PPP2R5D: variants seen among roughly 807,000 people sequenced by gnomAD.
PPP2R5D encodes protein phosphatase 2 regulatory subunit B'delta.
In PPP2R5D, 12 loss-of-function variants were observed where a neutral mutation model predicts 79.1. The observed-to-expected ratio is 0.15, with a 90% CI of 0.10 to 0.25. The LOEUF (loss-of-function observed/expected upper bound fraction) is 0.25, where lower values mean the gene tolerates loss of function less well. Among genes scored for constraint, PPP2R5D ranks in the 10% least tolerant of loss-of-function variants. PPP2R5D has a pLI of 1.00. For missense variants in PPP2R5D, 419 were observed against 760.2 expected, an observed-to-expected ratio of 0.55 and a Z score of 5.28; for synonymous variants, 277 against 286.6, an observed-to-expected ratio of 0.97 and a Z score of 0.34.
chr6:43,011,141 A>T lies in PPP2R5D; in HGVS notation c.1672-8A>T. 6.2e-7 allele frequency: 1 copy of T among 1,614,154 alleles called. No homozygotes were observed. Among genetic ancestry groups the T allele is most frequent in the Non-Finnish European group, 8.5e-7 (1 of 1,179,988 alleles). On this transcript the variant is annotated splice_polypyrimidine_tract_variant and splice_region_variant and intron_variant, in intron 15 of 15. Coordinates refer to ENST00000485511, the MANE Select transcript of PPP2R5D (RefSeq NM_006245.4). The stretch of plus-strand genomic sequence containing the variant: ...ACCATTCCTCACCTTGTCCCTATTC[A>T]CACACAGATGCTAAAAGACATCAAG...
At position 43,007,218 on chromosome 6, in the gene PPP2R5D, C is replaced by T. The variant is rs779372850; in HGVS notation, c.545C>T (p.Thr182Met). ...CAGTTTTCAGTGAACCTCTTCCGGA[C>T]GCTGCCACCTTCATCGAATCCCACA... ...VTMFSVNLFR[T>M]LPPSSNPTGA... The change falls in exon 5 of 16, where the codon ACG (threonine) becomes ATG (methionine). Residue 182 changes from threonine (T) to methionine (M), a missense_variant. This residue lies in a region of PPP2R5D where 196 missense variants were observed against 424.5 expected (regional missense o/e 0.46). Coordinates refer to ENST00000485511, the MANE Select transcript of PPP2R5D (RefSeq NM_006245.4). This position sits in a 1 kb window ranked among gnomAD's most constrained non-coding sequence, Gnocchi z 4.5. 6.8e-6 allele frequency: 11 copies of T among 1,614,004 alleles called. No individual in the cohort carries two copies. The highest frequency in any genetic ancestry group is 2.2e-5 in the East Asian group (1 of 44,890).
intron 2 of PPP2R5D, among the ~76,000 whole-genome samples, chr6:42,991,489 C>T (rs1771260985): frequency 1.3e-5 from 2 of 152,170 alleles, no homozygotes; most frequent in African/African-American, 4.8e-5. Context: ...TTTTGGCACT[C>T]AGTACCTGGT....
intron 2 of PPP2R5D, among the ~76,000 whole-genome samples, chr6:42,990,078 G>A (rs1771153442): frequency 6.6e-6 from 1 of 152,158 alleles, no homozygotes; most frequent in African/African-American, 2.4e-5. Flanking sequence ...GATTGGGAGG[G>A]GCTGGTGTCC....
Position 43,010,377 on chromosome 6 carries a change from G to T in PPP2R5D, c.1380-91G>T. The T allele has an allele frequency of 9.9e-7, 1 of 1,006,086 alleles. No individual in the cohort carries two copies. Among genetic ancestry groups the T allele is most frequent in the Admixed American group, 1.8e-5 (1 of 56,544 alleles). The allele number at this position is 1,006,086 out of a possible 1,614,324, so 62.3% of individuals were successfully genotyped here. A position where few individuals can be genotyped will look rare whatever the true frequency, so the allele number is the denominator to read the frequency against. ...GAAGTAGTAAATGACAAAGCTCTTA[G>T]CAGAGATACCCCTGTGAGAGAACAA... On this transcript the variant is annotated intron_variant, in intron 12 of 15. Coordinates refer to ENST00000485511, the MANE Select transcript of PPP2R5D (RefSeq NM_006245.4). The surrounding 1 kb of genome is among the most constrained non-coding windows in gnomAD (Gnocchi z 4.7).
At chr6:42,998,680 T>G (rs924270458) in intron 2 of PPP2R5D, among the ~76,000 whole-genome samples, 3 of 151,988 alleles carry the variant, frequency 2.0e-5, no homozygotes. Context: ...GGTGGATTGC[T>G]TGAGCTCCAG....
chr6:43,005,813 G>C (rs905778633), intron 2 of PPP2R5D, among the ~76,000 whole-genome samples: 38 of 152,048 alleles, frequency 2.5e-4, no homozygotes, highest in African/African-American at 8.2e-4. Context: ...GTAGAGATGG[G>C]GTTTCACCAT....
Position 43,006,344 on chromosome 6 carries a change from A to G in PPP2R5D, c.106-119A>G. 1 of 1,463,190 alleles carries G rather than the reference A, an allele frequency of 6.8e-7. No individual in the cohort carries two copies. The highest frequency in any genetic ancestry group is 9.0e-7 in the Non-Finnish European group (1 of 1,105,544). The allele number at this position is 1,463,190 out of a possible 1,614,324, so 90.6% of individuals were successfully genotyped here. A position where few individuals can be genotyped will look rare whatever the true frequency, so the allele number is the denominator to read the frequency against. ...ACCCTGGCCTTAGCTCCTTCGGGGC[A>G]GGAGACAGCTGCTCACTGCCCAGGC... On this transcript the variant is annotated intron_variant, in intron 2 of 15. Coordinates refer to ENST00000485511, the MANE Select transcript of PPP2R5D (RefSeq NM_006245.4). This position sits in a 1 kb window ranked among gnomAD's most constrained non-coding sequence, Gnocchi z 4.7.
At chr6:42,995,433 C>T (rs74323814) in intron 2 of PPP2R5D, among the ~76,000 whole-genome samples, 19,658 of 152,062 alleles carry the variant, frequency 0.13, 2,443 homozygotes, top group African/African-American at 0.33. Context: ...GTGCCCTGCC[C>T]AACTTCCTAT....
chr6:42,998,403 G>A (rs1361032512), intron 2 of PPP2R5D, among the ~76,000 whole-genome samples: 1 of 151,880 alleles, frequency 6.6e-6, no homozygotes, highest in African/African-American at 2.4e-5. Flanking sequence ...GGCCGTGTTC[G>A]GAATAGGCTG....
chr6:42,990,588 G>C (rs181602645), intron 2 of PPP2R5D, among the ~76,000 whole-genome samples: 3 of 151,822 alleles, frequency 2.0e-5, no homozygotes, highest in Non-Finnish European at 2.9e-5. Context: ...CTCATTTTAG[G>C]CCTCATTTAA....
rs556775151 is a variant in PPP2R5D at position 43,009,538 on chromosome 6, T to C, written c.1379+89T>C. Reference sequence around the variant, plus strand: ...GAACTAAAGAGCCAGGGGTCTCACCTAGTCACCCAGCAAGTGGGGCTGATG... The same window carrying C: ...GAACTAAAGAGCCAGGGGTCTCACCCAGTCACCCAGCAAGTGGGGCTGATG... On this transcript the variant is annotated intron_variant, in intron 12 of 15. Coordinates refer to ENST00000485511, the MANE Select transcript of PPP2R5D (RefSeq NM_006245.4). The surrounding 1 kb of genome is among the most constrained non-coding windows in gnomAD (Gnocchi z 5.6). The C allele has an allele frequency of 6.4e-7, 1 of 1,555,138 alleles. No individual in the cohort carries two copies. The highest frequency in any genetic ancestry group is 1.4e-5 in the African/African-American group (1 of 73,362).
Position 43,006,787 on chromosome 6 carries a change from T to C in PPP2R5D, c.322+108T>C. On this transcript the variant is annotated intron_variant, in intron 3 of 15. Transcript: ENST00000485511. The surrounding 1 kb of genome is among the most constrained non-coding windows in gnomAD (Gnocchi z 4.7). ...TTGCGGGGAAGGGAGTTCCAGAGAA[T>C]GCGGGAAGGGGGTGCCAGGGAGCAG... 1.3e-6 allele frequency: 2 copies of C among 1,571,720 alleles called. No individual in the cohort carries two copies. Among genetic ancestry groups the C allele is most frequent in the South Asian group, 2.3e-5 (2 of 86,398 alleles).
Position 42,992,306 on chromosome 6 carries a change from G to A in PPP2R5D, c.105+2618G>A, listed in dbSNP as rs545070623. Among the ~76,000 whole-genome samples, 16 of 152,134 alleles carry A rather than the reference G, an allele frequency of 1.1e-4. No individual in the cohort carries two copies. The South Asian group carries it at 2.7e-3, about 26-fold the overall frequency. ...GATCTCCTGACCTCGTGATCCACCC[G>A]CCTCGGCCTCCCAAAGTGCTGGGAT... is the stretch of plus-strand genomic sequence containing the variant. On this transcript the variant is annotated intron_variant, in intron 2 of 15. Coordinates refer to ENST00000485511, the MANE Select transcript of PPP2R5D (RefSeq NM_006245.4).
In PPP2R5D at chr6:43,006,727, A is replaced by G. The variant is rs772782516; in HGVS notation, c.322+48A>G. On this transcript the variant is annotated intron_variant, in intron 3 of 15. Coordinates refer to ENST00000485511, the MANE Select transcript of PPP2R5D (RefSeq NM_006245.4). The surrounding 1 kb of genome is among the most constrained non-coding windows in gnomAD (Gnocchi z 4.7). ...GGCTGTTTTACCAGTTCTAGTGGGC[A>G]TCGGGAGTTGGTGGAATGGAAGTTT... The G allele has an allele frequency of 8.1e-6, 13 of 1,596,462 alleles. No individual in the cohort carries two copies. The highest frequency in any genetic ancestry group is 2.7e-5 in the African/African-American group (2 of 74,524).
intron 1 of PPP2R5D, among the ~76,000 whole-genome samples, chr6:42,984,972 T>C (rs554146434): frequency 7.6e-6 from 1 of 131,662 alleles, no homozygotes; most frequent in Admixed American, 8.6e-5. Flanking sequence ...CAGGGTAACC[T>C]CCTTCTTCCA....
chr6:43,002,753 A>T (rs1046327325), intron 2 of PPP2R5D, among the ~76,000 whole-genome samples: 1 of 152,084 alleles, frequency 6.6e-6, no homozygotes, highest in Admixed American at 6.6e-5. Flanking sequence ...GCAATTAATA[A>T]CATTTCTGTC....
chr6:43,000,591 G>A (rs944030502), intron 2 of PPP2R5D, among the ~76,000 whole-genome samples: 4 of 152,112 alleles, frequency 2.6e-5, no homozygotes, highest in African/African-American at 7.2e-5. Context: ...CCCTTTCTGG[G>A]AAGAATGCCC....
At chr6:42,985,556 T>C (rs1770777217) in intron 1 of PPP2R5D, among the ~76,000 whole-genome samples, 1 of 152,064 alleles carries the variant, frequency 6.6e-6, no homozygotes, top group African/African-American at 2.4e-5. Flanking sequence ...CTAATCTGAG[T>C]AGGCTCCTCA....
chr6:42,988,995 A>G (rs1409406356), intron 1 of PPP2R5D, among the ~76,000 whole-genome samples: 2 of 152,200 alleles, frequency 1.3e-5, no homozygotes, highest in Non-Finnish European at 2.9e-5. Flanking sequence ...GTAACAGTTC[A>G]GGGTTTTACC....
Sources: gnomAD v4.1 joint callset for allele counts (sites outside exome capture counted in the v4.1 genomes callset) on GRCh38, gnomAD v4.1.1 for gene constraint, gnomAD v4.1.1 regional missense constraint, Gnocchi (gnomAD v3.1) non-coding constraint, MANE v1.5 for transcripts, NCBI Gene and HGNC (gene_info 2026-07-23, HGNC 2026-07-21) for gene names.